SGCD: variants seen among roughly 807,000 people sequenced by gnomAD.
SGCD encodes the protein sarcoglycan delta.
SGCD carries 18 observed loss-of-function variants against 36.6 expected under a neutral mutation model. The observed-to-expected ratio is 0.49, with a 90% confidence interval of 0.34 to 0.73. The LOEUF is 0.73. SGCD is among the 30% of genes least tolerant of loss of function. The pLI, the probability that SGCD is intolerant of heterozygous loss-of-function variation, is 0.01. For synonymous variants in SGCD, 133 were observed against 130.6 expected, an observed-to-expected ratio of 1.02 and a Z score of -0.12; for missense variants, 387 against 346.7, an observed-to-expected ratio of 1.12 and a Z score of -0.92.
intron 3 of SGCD, among the ~76,000 whole-genome samples, chr5:156,296,313 G>GAATATAA (rs1766892285): frequency 6.6e-6 from 1 of 152,100 alleles, no homozygotes; most frequent in African/African-American, 2.4e-5. Flanking sequence ...AACTAGAGAC[G>GAATATAA]GTGTCAAAGG....
At chr5:156,697,351 T>C (rs1754359967) in intron 7 of SGCD, among the ~76,000 whole-genome samples, 1 of 152,170 alleles carries the variant, frequency 6.6e-6, no homozygotes, top group Non-Finnish European at 1.5e-5. Flanking sequence ...TCTGAGGAGA[T>C]GGACAAGAAC....
chr5:156,006,955 T>C (rs1327922208), intron 1 of SGCD, among the ~76,000 whole-genome samples: 1 of 152,208 alleles, frequency 6.6e-6, no homozygotes, highest in Non-Finnish European at 1.5e-5. Flanking sequence ...TCATTTTCTT[T>C]TCTGTTTCTG....
the SGCD span, among the ~76,000 whole-genome samples, chr5:155,751,865 G>A: frequency 6.6e-6 from 1 of 152,144 alleles, no homozygotes; most frequent in Non-Finnish European, 1.5e-5. Context: ...TCCAAAGGCA[G>A]GCTGGGATAG....
intron 1 of SGCD, among the ~76,000 whole-genome samples, chr5:156,047,175 GC>G (rs1439937465): frequency 6.6e-6 from 1 of 152,146 alleles, no homozygotes. Context: ...TTGGAAACCA[GC>G]AGGAGTTGGT....
chr5:156,422,693 G>A (rs545237516), intron 3 of SGCD, among the ~76,000 whole-genome samples: 1 of 152,128 alleles, frequency 6.6e-6, no homozygotes, highest in Admixed American at 6.6e-5. Flanking sequence ...AGGTAACTCT[G>A]TTGTGGTACA....
chr5:156,625,824 T>C (rs1762419231), intron 6 of SGCD, among the ~76,000 whole-genome samples: 2 of 152,344 alleles, frequency 1.3e-5, no homozygotes, highest in South Asian at 2.1e-4. Context: ...CTTAATATCA[T>C]GGACCGGATG....
intron 3 of SGCD, among the ~76,000 whole-genome samples, chr5:156,273,567 C>A (rs1257592056): frequency 6.6e-6 from 1 of 152,160 alleles, no homozygotes; most frequent in Non-Finnish European, 1.5e-5. Context: ...ACTGCCTGAG[C>A]TAAATTTATT....
chr5:156,131,860 C>G (rs1762332378), intron 3 of SGCD, among the ~76,000 whole-genome samples: 1 of 152,190 alleles, frequency 6.6e-6, no homozygotes, highest in Admixed American at 6.5e-5. Context: ...CATCGAAGAG[C>G]TGAATTCCTC....
chr5:155,926,867 C>CA (rs1335527828), intron 1 of SGCD, among the ~76,000 whole-genome samples: 11 of 152,104 alleles, frequency 7.2e-5, no homozygotes, highest in Non-Finnish European at 1.2e-4. Flanking sequence ...TGATCCCAAT[C>CA]AAAAAAAGCA....
At chr5:156,401,494 T>C (rs1057468467) in intron 3 of SGCD, among the ~76,000 whole-genome samples, 3 of 152,184 alleles carry the variant, frequency 2.0e-5, no homozygotes, top group Non-Finnish European at 2.9e-5. Context: ...GGCTGCCTAG[T>C]GTAGAGAGCT....
the SGCD span, among the ~76,000 whole-genome samples, chr5:155,844,850 A>G: frequency 1.3e-5 from 2 of 152,130 alleles, no homozygotes; most frequent in Non-Finnish European, 2.9e-5. Context: ...GGATGATATT[A>G]ATTATTTTAC....
intron 1 of SGCD, among the ~76,000 whole-genome samples, chr5:156,040,487 G>A (rs2127578108): frequency 6.6e-6 from 1 of 152,250 alleles, no homozygotes; most frequent in East Asian, 1.9e-4. Flanking sequence ...TACACAACAA[G>A]CCAGATGACA....
At chr5:155,747,475 G>C in the SGCD span, among the ~76,000 whole-genome samples, 101 of 152,318 alleles carry the variant, frequency 6.6e-4, 1 homozygote, top group South Asian at 4.6e-3. Flanking sequence ...AGTTTCTTGT[G>C]ATGATAGCTG....
In SGCD at chr5:156,616,283, CT is replaced by C. The variant is rs145679976; in HGVS notation, c.502+21233del. Among the ~76,000 whole-genome samples, 645 of 152,300 alleles carry C rather than the reference CT, an allele frequency of 4.2e-3. 2 individuals carry two copies. In the Middle Eastern group the frequency reaches 0.054, roughly 13 times the overall value. On this transcript the variant is annotated intron_variant, in intron 6 of 8. Coordinates refer to ENST00000337851, the MANE Select transcript of SGCD (RefSeq NM_000337.6). Reference sequence around the variant, plus strand: ...GGTCCATCCTTGAACTAGTTAGTCACTGTGATCAGGATGATATAGTGTGCTG... The same window carrying C: ...GGTCCATCCTTGAACTAGTTAGTCACGTGATCAGGATGATATAGTGTGCTG...
At chr5:155,773,983 A>T in the SGCD span, among the ~76,000 whole-genome samples, 1 of 152,132 alleles carries the variant, frequency 6.6e-6, no homozygotes, top group Admixed American at 6.6e-5. Context: ...TATAACATAC[A>T]TGTTGATAGT....
intron 1 of SGCD, among the ~76,000 whole-genome samples, chr5:156,071,527 T>G (rs1760561960): frequency 2.0e-5 from 3 of 152,212 alleles, no homozygotes. Flanking sequence ...CTTTTACATT[T>G]GCTGAGGAGA....
intron 3 of SGCD, among the ~76,000 whole-genome samples, chr5:156,477,685 C>CAAAAAAAAAAAAAAAAA (rs11411986): frequency 9.8e-6 from 1 of 102,182 alleles, no homozygotes; most frequent in African/African-American, 3.7e-5. Flanking sequence ...AGTATTTGAG[C>CAAAAAAAAAAAAAAAAA]AAAAAAAAAA....
At chr5:156,669,793 G>A (rs1691243263) in intron 7 of SGCD, among the ~76,000 whole-genome samples, 1 of 152,162 alleles carries the variant, frequency 6.6e-6, no homozygotes, top group Non-Finnish European at 1.5e-5. Flanking sequence ...TGTAGGCCTT[G>A]AACCAGGATT....
At chr5:156,608,893 C>T (rs912559273) in intron 6 of SGCD, among the ~76,000 whole-genome samples, 23 of 151,736 alleles carry the variant, frequency 1.5e-4, no homozygotes, top group Admixed American at 1.2e-3. Flanking sequence ...TTTCCATTTG[C>T]TTGGTAGATC....
Sources: allele counts gnomAD v4.1 joint callset (sites outside exome capture counted in the v4.1 genomes callset), GRCh38; gene constraint gnomAD v4.1.1; transcripts MANE v1.5; gene names NCBI Gene and HGNC (gene_info 2026-07-23, HGNC 2026-07-21).